Variants in ELF2 observed in about 807,000 individuals in gnomAD.
The protein encoded by ELF2 is E74 like ETS transcription factor 2.
In ELF2, 11 loss-of-function variants were observed where a neutral mutation model predicts 54.8. The observed-to-expected ratio is 0.20, with a 90% CI of 0.13 to 0.33. The LOEUF (loss-of-function observed/expected upper bound fraction) is 0.33, where lower values mean the gene tolerates loss of function less well. ELF2 is among the 10% of genes least tolerant of loss of function. The pLI, the probability that ELF2 is intolerant of heterozygous loss-of-function variation, is 1.00. For synonymous variants in ELF2, 203 were observed against 245.1 expected, an observed-to-expected ratio of 0.83 and a Z score of 1.61; for missense variants, 513 against 703.0, an observed-to-expected ratio of 0.73 and a Z score of 3.06.
At chr4:139,126,203 C>A (rs1490480723) in intron 3 of ELF2, among the ~76,000 whole-genome samples, 1 of 151,826 alleles carries the variant, frequency 6.6e-6, no homozygotes, top group African/African-American at 2.4e-5. Context: ...TGAATACAGG[C>A]TTGGAAGATA....
chr4:139,145,624 A>G (rs912395411), intron 1 of ELF2, among the ~76,000 whole-genome samples: 9 of 152,232 alleles, frequency 5.9e-5, no homozygotes, highest in African/African-American at 2.2e-4. Context: ...TGATGAACAT[A>G]GATGTAAAAA....
At chr4:139,101,272 A>G (rs1192635557) in intron 4 of ELF2, among the ~76,000 whole-genome samples, 2 of 152,076 alleles carry the variant, frequency 1.3e-5, no homozygotes, top group African/African-American at 2.4e-5. Flanking sequence ...GCCATATCTA[A>G]TTTCTTGCTC....
chr4:139,088,672 C>T (rs1001925767), intron 4 of ELF2, among the ~76,000 whole-genome samples: 14 of 152,122 alleles, frequency 9.2e-5, no homozygotes, highest in African/African-American at 3.4e-4. Context: ...TTAGCCTCAC[C>T]TTCTCTCTCC....
chr4:139,110,500 A>G (rs1276793178), intron 4 of ELF2, among the ~76,000 whole-genome samples: 1 of 152,206 alleles, frequency 6.6e-6, no homozygotes, highest in African/African-American at 2.4e-5. Flanking sequence ...ATAGACAATC[A>G]TATTTTTTCA....
At chr4:139,089,131 T>C (rs1019161699) in intron 4 of ELF2, among the ~76,000 whole-genome samples, 1 of 152,242 alleles carries the variant, frequency 6.6e-6, no homozygotes, top group Admixed American at 6.5e-5. Context: ...TTAAAAAATA[T>C]ATAGGTCCTA....
intron 2 of ELF2, among the ~76,000 whole-genome samples, chr4:139,138,670 C>T (rs759113172): frequency 2.0e-5 from 3 of 152,160 alleles, no homozygotes; most frequent in Non-Finnish European, 4.4e-5. Flanking sequence ...TGGCAGCAAT[C>T]TCATTTTGTA....
chr4:139,157,345 C>T (rs1578952768), intron 1 of ELF2, among the ~76,000 whole-genome samples: 6 of 152,108 alleles, frequency 3.9e-5, no homozygotes, highest in Admixed American at 3.9e-4. Context: ...CTCTCTTATA[C>T]ACACACACGG....
chr4:139,119,340 T>C (rs778558387), intron 4 of ELF2, among the ~76,000 whole-genome samples: 9 of 152,190 alleles, frequency 5.9e-5, no homozygotes, highest in Non-Finnish European at 1.2e-4. Flanking sequence ...CATTTGCCCC[T>C]CCAGATTTAT....
chr4:139,161,034 G>A (rs1473601374), intron 1 of ELF2, among the ~76,000 whole-genome samples: 1 of 152,190 alleles, frequency 6.6e-6, no homozygotes, highest in Non-Finnish European at 1.5e-5. Flanking sequence ...GTGTCTCCAT[G>A]TGTGTATACA....
chr4:139,133,667 C>G (rs1204504936), intron 3 of ELF2, among the ~76,000 whole-genome samples: 1 of 147,860 alleles, frequency 6.8e-6, no homozygotes, highest in Non-Finnish European at 1.5e-5. Context: ...ACGGGGTTCA[C>G]TATGTTGCCT....
At chr4:139,127,614 G>C (rs191922949) in intron 3 of ELF2, among the ~76,000 whole-genome samples, 2 of 152,044 alleles carry the variant, frequency 1.3e-5, no homozygotes, top group Non-Finnish European at 2.9e-5. Context: ...TGGAAACAGC[G>C]CCCAGCCGGG....
Position 139,166,748 on chromosome 4 carries a change from A to G in ELF2, c.-252+10219T>C, listed in dbSNP as rs1005191268. Among the ~76,000 whole-genome samples the G allele has an allele frequency of 3.3e-5, 5 of 152,110 alleles. No homozygotes were observed. In the East Asian group the frequency reaches 9.7e-4, roughly 29 times the overall value. On this transcript the variant is annotated intron_variant, in intron 1 of 9. Coordinates refer to ENST00000686138, the MANE Select transcript of ELF2 (RefSeq NM_001331036.3). The stretch of plus-strand genomic sequence containing the variant: ...CTGGGCGTGGTGGTGGGCACCTGTA[A>G]TCCCAGCTACTCAGGAGGCTGAGGC...
chr4:139,118,951 T>C (rs1230775145), intron 4 of ELF2, among the ~76,000 whole-genome samples: 2 of 8,828 alleles, frequency 2.3e-4, no homozygotes, highest in Non-Finnish European at 5.9e-4. Context: ...AAGGGGAAAT[T>C]TGAAAATCAG....
At chr4:139,063,101 T>C (rs1728129945) in intron 7 of ELF2, among the ~76,000 whole-genome samples, 1 of 152,004 alleles carries the variant, frequency 6.6e-6, no homozygotes, top group Non-Finnish European at 1.5e-5. Flanking sequence ...CTACTAAAAA[T>C]ATAAAATTTA....
At chr4:139,115,067 T>C (rs1701657740) in intron 4 of ELF2, 4 of 1,613,926 alleles carry the variant, frequency 2.5e-6, no homozygotes, top group Middle Eastern at 1.7e-4. Flanking sequence ...TCACTCTCCA[T>C]GTCCAGGAGC....
In ELF2 at chr4:139,139,510, G is replaced by A. The variant is rs1440170213; in HGVS notation, c.-251-13C>T. The stretch of plus-strand genomic sequence containing the variant: ...TAGTTCTTTGGAACTGCCAGCGGGA[G>A]GGGAAAAAAGATAATATTAATATAA... On this transcript the variant is annotated splice_polypyrimidine_tract_variant and intron_variant, in intron 1 of 9. Coordinates refer to ENST00000686138, the MANE Select transcript of ELF2 (RefSeq NM_001331036.3). 1 of 1,210,712 alleles carries A rather than the reference G, an allele frequency of 8.3e-7. No homozygotes were observed. Among genetic ancestry groups the A allele is most frequent in the African/African-American group, 1.6e-5 (1 of 63,830 alleles). The allele number at this position is 1,210,712 out of a possible 1,614,324, so 75.0% of individuals were successfully genotyped here.
In ELF2 at chr4:139,115,468, G is replaced by A. The variant is rs564149230; in HGVS notation, c.238+9696C>T. On this transcript the variant is annotated intron_variant, in intron 4 of 9. Coordinates refer to ENST00000686138, the MANE Select transcript of ELF2 (RefSeq NM_001331036.3). ...CTGGCTGGGGTTAGCTCGCCGCGGC[G>A]AGGGCAGCGGCGGGGGTGCCCGAGG... 3.2e-4 allele frequency: 285 copies of A among 900,830 alleles called. 1 individual carries two copies. The highest frequency in any genetic ancestry group is 3.6e-4 in the Non-Finnish European group (272 of 754,386). 55.8% of individuals were successfully genotyped at this position (900,830 alleles called of 1,614,324 possible).
chr4:139,162,007 T>C (rs1741220353), intron 1 of ELF2, among the ~76,000 whole-genome samples: 1 of 151,986 alleles, frequency 6.6e-6, no homozygotes, highest in Non-Finnish European at 1.5e-5. Context: ...GGCAGGAGAA[T>C]CGCTTGAACC....
chr4:139,086,632 G>C (rs1316323093), intron 4 of ELF2, among the ~76,000 whole-genome samples: 2 of 151,946 alleles, frequency 1.3e-5, no homozygotes, highest in Non-Finnish European at 2.9e-5. Flanking sequence ...TCTGTTATAG[G>C]TGCTTATTAA....
Sources: allele counts gnomAD v4.1 joint callset (sites outside exome capture counted in the v4.1 genomes callset), GRCh38; gene constraint gnomAD v4.1.1; transcripts MANE v1.5; gene names NCBI Gene and HGNC (gene_info 2026-07-23, HGNC 2026-07-21).